CNTRL: variants seen among roughly 807,000 people sequenced by gnomAD.
CNTRL encodes the protein 110 kDa centrosomal protein.
In CNTRL, 233 loss-of-function variants were observed where a neutral mutation model predicts 303.7. The ratio of observed to expected loss-of-function variants is 0.77; its 90% CI spans 0.69 to 0.86. CNTRL has a LOEUF of 0.86. Ranked by LOEUF, CNTRL falls within the 40% of genes least tolerant of loss-of-function variation. The pLI, the probability that CNTRL is intolerant of heterozygous loss-of-function variation, is 0.00. For missense variants in CNTRL, 2,524 were observed against 2,650.6 expected, an observed-to-expected ratio of 0.95 and a Z score of 1.05; for synonymous variants, 900 against 922.2, an observed-to-expected ratio of 0.98 and a Z score of 0.44.
At chr9:121,173,780 G>A (rs1196832632) in intron 42 of CNTRL, 43 bp downstream of exon 42, 1 of 1,558,118 alleles carries the variant, frequency 6.4e-7, no homozygotes, top group Non-Finnish European at 8.9e-7. Flanking sequence ...GAGATACTGG[G>A]CACATTGGGG....
Position 121,173,335 on chromosome 9 carries a change from C to T in CNTRL, c.6510C>T (p.Thr2170=), listed in dbSNP as rs947295832. The change falls in exon 41 of 44, where the codon ACC becomes ACT. Residue 2170 remains threonine (T), a synonymous_variant. Transcript: ENST00000373855. ...LKSEVKDEIR[T]SLKNLNQFLP... ...CTGAGGTGAAGGATGAAATCAGAAC[C>T]AGCTTGAAGAATCTTAATCAGTTTC... is the stretch of plus-strand genomic sequence containing the variant. The T allele has an allele frequency of 8.1e-6, 13 of 1,614,008 alleles. No homozygotes were observed. In the Admixed American group the frequency reaches 1.7e-4, roughly 21 times the overall value.
At chr9:121,139,080 T>C (rs2051358483) in intron 16 of CNTRL, among the ~76,000 whole-genome samples, 1 of 152,154 alleles carries the variant, frequency 6.6e-6, no homozygotes. Context: ...CTAGAGTGAG[T>C]TGCAGTGGGA....
rs1340797179 is a variant in CNTRL, at chr9:121,116,234, G to A, written c.1455+1034G>A. ...AAGGAGCCAGTGAGGCAGAGCTGGCGGAAAGTATTCCATGCAGAGGTGACA... is the reference window on the plus strand; with the variant it reads ...AAGGAGCCAGTGAGGCAGAGCTGGCAGAAAGTATTCCATGCAGAGGTGACA... On this transcript the variant is annotated intron_variant, in intron 11 of 43. Coordinates refer to ENST00000373855, the MANE Select transcript of CNTRL (RefSeq NM_007018.6). 3.3e-5 allele frequency among the ~76,000 whole-genome samples: 5 copies of A among 152,202 alleles called. No homozygotes were observed. The East Asian group carries it at 9.6e-4, about 29-fold the overall frequency.
At chr9:121,149,116 A>T (rs2052052034) in intron 24 of CNTRL, among the ~76,000 whole-genome samples, 1 of 152,074 alleles carries the variant, frequency 6.6e-6, no homozygotes, top group South Asian at 2.1e-4. Flanking sequence ...TCCTAAATGG[A>T]GCCTTCTTCC....
chr9:121,098,251 A>C, intron 6 of CNTRL, 135 bp from the exon 7 acceptor site: 1 of 643,234 alleles, frequency 1.6e-6, no homozygotes, highest in Admixed American at 2.9e-5. Context: ...CCCTTTCCTG[A>C]CACCACTACT....
chr9:121,175,672 G>C (rs529412397), intron 43 of CNTRL, among the ~76,000 whole-genome samples: 1 of 152,290 alleles, frequency 6.6e-6, no homozygotes, highest in South Asian at 2.1e-4. Flanking sequence ...AGATTATGCC[G>C]CCTTCAACTC....
At position 121,145,399 on chromosome 9, in the gene CNTRL, C is replaced by A; in HGVS notation, c.3310+14C>A. Reference sequence around the variant, plus strand: ...TCACTGGAAGTGGTAAAGTATTGGGCTTTGATTTTTGGCAGTGGTTTTGTA... The same window carrying A: ...TCACTGGAAGTGGTAAAGTATTGGGATTTGATTTTTGGCAGTGGTTTTGTA... On this transcript the variant is annotated intron_variant, in intron 22 of 43. Coordinates refer to ENST00000373855, the MANE Select transcript of CNTRL (RefSeq NM_007018.6). The A allele has an allele frequency of 6.3e-7, 1 of 1,582,068 alleles. No homozygotes were observed. The highest frequency in any genetic ancestry group is 8.6e-7 in the Non-Finnish European group (1 of 1,168,350).
At position 121,158,957 on chromosome 9, in the gene CNTRL, G is replaced by C. The variant is rs144760372; in HGVS notation, c.4867G>C (p.Asp1623His). 31 of 1,614,064 alleles carry C rather than the reference G, an allele frequency of 1.9e-5. No homozygotes were observed. The highest frequency in any genetic ancestry group is 2.3e-5 in the Non-Finnish European group (27 of 1,180,026). Residue 1623 changes from aspartate (D) to histidine (H), a missense_variant, in exon 31 of 44, where the codon GAC becomes CAC. Coordinates refer to ENST00000373855, the MANE Select transcript of CNTRL (RefSeq NM_007018.6). Reference sequence around the variant, plus strand: ...AGGAAGCATGGTCCAGGCAAAAGCTGACCTCCAGGAAGCTCTGAGACTGGG... The same window carrying C: ...AGGAAGCATGGTCCAGGCAAAAGCTCACCTCCAGGAAGCTCTGAGACTGGG... ...LQGSMVQAKA[D>H]LQEALRLGET...
chr9:121,168,314 C>G lies in CNTRL; in HGVS notation c.6063C>G (p.Ser2021=), dbSNP rs756373223. 5 of 1,613,612 alleles carry G rather than the reference C, an allele frequency of 3.1e-6. No individual in the cohort carries two copies. In the East Asian group the frequency reaches 1.1e-4, roughly 36 times the overall value. ...RWCESLEKTL[S]QTKRQLSERE... ...GTGAGAGCCTGGAGAAGACACTCTC[C>G]CAAACTAGTATGTATTCTGGAACTT... Residue 2021 remains serine (S), a synonymous_variant, in exon 38 of 44, where the codon TCC becomes TCG. Coordinates refer to ENST00000373855, the MANE Select transcript of CNTRL (RefSeq NM_007018.6).
chr9:121,119,230 T>C (rs2050117044), intron 12 of CNTRL, among the ~76,000 whole-genome samples: 1 of 151,936 alleles, frequency 6.6e-6, no homozygotes, highest in East Asian at 1.9e-4. Context: ...TTGAATTTCA[T>C]TGTATTGCAG....
chr9:121,110,197 CTT>C (rs1284443263), intron 8 of CNTRL, among the ~76,000 whole-genome samples: 1 of 152,096 alleles, frequency 6.6e-6, no homozygotes, highest in Non-Finnish European at 1.5e-5. Context: ...CAAATTTACT[CTT>C]TGTCCTTTTG....
chr9:121,092,348 T>A (rs1043179631), intron 4 of CNTRL, among the ~76,000 whole-genome samples: 6 of 141,718 alleles, frequency 4.2e-5, no homozygotes, highest in Non-Finnish European at 6.0e-5. Flanking sequence ...ACTAAAAGAA[T>A]GAGAGTGCGA....
At chr9:121,131,112 T>C (rs2133730075) in intron 14 of CNTRL, among the ~76,000 whole-genome samples, 1 of 152,324 alleles carries the variant, frequency 6.6e-6, no homozygotes, top group South Asian at 2.1e-4. Flanking sequence ...ATTCTGTTGA[T>C]TTGGGGTGGA....
At chr9:121,173,867 G>A (rs1391198701) in intron 42 of CNTRL, 130 bp downstream of exon 42, 2 of 871,868 alleles carry the variant, frequency 2.3e-6, no homozygotes, top group African/African-American at 3.3e-5. Context: ...GTCAGGGATG[G>A]CATGTCTGAA....
intron 36 of CNTRL, among the ~76,000 whole-genome samples, chr9:121,166,676 C>T (rs2053103601): frequency 6.6e-6 from 1 of 152,154 alleles, no homozygotes; most frequent in Admixed American, 6.5e-5. Flanking sequence ...GAGACTAGTG[C>T]TGTAATTCAA....
At chr9:121,152,107 C>T (rs559988474) in intron 25 of CNTRL, 19 of 191,648 alleles carry the variant, frequency 9.9e-5, no homozygotes, top group South Asian at 9.6e-4. Flanking sequence ...CCCTTCCGTT[C>T]GTTCTTCAAA....
At chr9:121,137,841 T>C (rs1185702036) in intron 15 of CNTRL, among the ~76,000 whole-genome samples, 1 of 152,210 alleles carries the variant, frequency 6.6e-6, no homozygotes, top group African/African-American at 2.4e-5. Flanking sequence ...TGATTGGCTT[T>C]TATTTTCTTC....
At chr9:121,168,794 G>T (rs1216343906) in intron 38 of CNTRL, among the ~76,000 whole-genome samples, 3 of 152,104 alleles carry the variant, frequency 2.0e-5, no homozygotes, top group Non-Finnish European at 4.4e-5. Flanking sequence ...GGGAATCCAG[G>T]GTAAATGATT....
intron 17 of CNTRL, 132 bp downstream of exon 17, chr9:121,140,918 T>C (rs1464424651): frequency 4.9e-6 from 4 of 824,388 alleles, no homozygotes; most frequent in Non-Finnish European, 5.3e-6. Context: ...GTTCTCCTTA[T>C]GAAGTTTTCA....
Sources: gnomAD v4.1 joint callset for allele counts (sites outside exome capture counted in the v4.1 genomes callset) on GRCh38, gnomAD v4.1.1 for gene constraint, MANE v1.5 for transcripts, NCBI Gene and HGNC (gene_info 2026-07-23, HGNC 2026-07-21) for gene names.